CDH23: variants seen among roughly 807,000 people sequenced by gnomAD.
The protein encoded by CDH23 is cadherin-23.
A neutral mutation model predicts 317.1 loss-of-function variants in CDH23; 189 were observed. The observed-to-expected ratio is 0.60, with a 90% CI of 0.53 to 0.67. The LOEUF (loss-of-function observed/expected upper bound fraction) is 0.67, where lower values mean the gene tolerates loss of function less well. Ranked by LOEUF, CDH23 falls within the 30% of genes least tolerant of loss-of-function variation. CDH23 has a pLI of 0.00. For missense variants in CDH23, 4,401 were observed against 4,592.4 expected, an observed-to-expected ratio of 0.96 and a Z score of 1.20; for synonymous variants, 1,839 against 1,876.8, an observed-to-expected ratio of 0.98 and a Z score of 0.52.
In CDH23 at chr10:71,741,932, G is replaced by C; in HGVS notation, c.4845+11G>C. The stretch of plus-strand genomic sequence containing the variant: ...ACCCCAACCCTGTCGGTGAGCGATG[G>C]GGGTGGCCACAGGGAGGAGCGGGTG... On this transcript the variant is annotated intron_variant, in intron 38 of 69. Transcript: ENST00000224721. 3.8e-6 allele frequency: 6 copies of C among 1,569,698 alleles called. No homozygotes were observed. Among genetic ancestry groups the C allele is most frequent in the Non-Finnish European group, 5.2e-6 (6 of 1,156,076 alleles).
intron 3 of CDH23, among the ~76,000 whole-genome samples, chr10:71,484,968 G>A (rs1852264049): frequency 6.6e-6 from 1 of 151,908 alleles, no homozygotes; most frequent in Non-Finnish European, 1.5e-5. Context: ...AAATTGGCTG[G>A]CAGTGGTGTC....
In CDH23 at chr10:71,800,697, C is replaced by T. The variant is rs754673338; in HGVS notation, c.7424C>T (p.Ala2475Val). The T allele has an allele frequency of 6.2e-7, 1 of 1,613,962 alleles. No individual in the cohort carries two copies. The highest frequency in any genetic ancestry group is 1.3e-5 in the African/African-American group (1 of 75,012). Residue 2475 changes from alanine to valine, a missense_variant, in exon 53 of 70, where the codon GCC becomes GTC. Physicochemically the swap from Ala to Val is moderately conservative, Grantham distance 64. Coordinates refer to ENST00000224721, the MANE Select transcript of CDH23 (RefSeq NM_022124.6). Reference protein sequence around the residue: ...REKKDHYILTALAKDNPGDVA... With the variant: ...REKKDHYILTVLAKDNPGDVA... ...AAGAAGGACCACTATATCCTGACTGCCTTGGCCAAAGACAACCCTGGGGAT... is the reference window on the plus strand; with the variant it reads ...AAGAAGGACCACTATATCCTGACTGTCTTGGCCAAAGACAACCCTGGGGAT...
chr10:71,463,241 G>T (rs549187235), intron 3 of CDH23, among the ~76,000 whole-genome samples: 1 of 152,182 alleles, frequency 6.6e-6, no homozygotes, highest in African/African-American at 2.4e-5. Flanking sequence ...CAGGCTGCCC[G>T]GGAGCCCAAG....
chr10:71,652,376 A>G (rs906229814), intron 14 of CDH23, among the ~76,000 whole-genome samples: 4 of 152,210 alleles, frequency 2.6e-5, no homozygotes, highest in African/African-American at 9.7e-5. Flanking sequence ...TTTTCCTATG[A>G]AATGGGAAAG....
chr10:71,462,365 G>T (rs993910303), intron 3 of CDH23, among the ~76,000 whole-genome samples: 3 of 152,218 alleles, frequency 2.0e-5, no homozygotes, highest in African/African-American at 7.2e-5. Context: ...GCGCCCCACC[G>T]CCATCTGCTT....
Position 71,740,837 on chromosome 10 carries a change from C to T in CDH23, c.4504C>T (p.Arg1502Ter), listed in dbSNP as rs769742202. The change falls in exon 37 of 70, where the codon CGA becomes TGA. Residue 1502 changes from arginine (R) to a stop codon, truncating the protein, a stop_gained. Transcript: ENST00000224721. LOFTEE classifies it high-confidence loss of function. ...CTCCTTGCAGGTTGTGGCTTCTGAC[C>T]GAGGCACCCCTCCACGGAAGAAGGA... The part of the protein sequence containing the change: ...HYILQVVASD[R>*]GTPPRKKDHI... 1.6e-5 allele frequency: 26 copies of T among 1,613,614 alleles called. No individual in the cohort carries two copies. Among genetic ancestry groups the T allele is most frequent in the Middle Eastern group, 1.6e-4 (1 of 6,084 alleles).
intron 32 of CDH23, among the ~76,000 whole-genome samples, chr10:71,733,337 G>A (rs1839452984): frequency 6.6e-6 from 1 of 152,154 alleles, no homozygotes; most frequent in African/African-American, 2.4e-5. Context: ...TGTAGTTCAG[G>A]GATGTCTATG....
At chr10:71,515,409 C>A (rs925822642) in intron 6 of CDH23, among the ~76,000 whole-genome samples, 1 of 151,742 alleles carries the variant, frequency 6.6e-6, no homozygotes, top group African/African-American at 2.4e-5. Flanking sequence ...CACACACACA[C>A]ACACACACAC....
At chr10:71,553,740 A>G (rs938192265) in intron 6 of CDH23, among the ~76,000 whole-genome samples, 1 of 152,250 alleles carries the variant, frequency 6.6e-6, no homozygotes, top group African/African-American at 2.4e-5. Flanking sequence ...AACATGATTC[A>G]TCATCATGCA....
intron 9 of CDH23, among the ~76,000 whole-genome samples, chr10:71,596,246 G>A (rs182419369): frequency 5.6e-4 from 86 of 152,232 alleles, no homozygotes; most frequent in East Asian, 1.7e-3. Flanking sequence ...GCCCTCTCTC[G>A]AGGTTGCATC....
At chr10:71,635,667 T>G (rs1862234399) in intron 11 of CDH23, among the ~76,000 whole-genome samples, 4 of 138,676 alleles carry the variant, frequency 2.9e-5, no homozygotes, top group South Asian at 2.3e-4. Flanking sequence ...GAGGGAGAGA[T>G]TGGAAAGAGG....
At chr10:71,406,705 A>G (rs1848114351) in intron 1 of CDH23, among the ~76,000 whole-genome samples, 1 of 152,248 alleles carries the variant, frequency 6.6e-6, no homozygotes, top group Non-Finnish European at 1.5e-5. Flanking sequence ...TTAGCAACGA[A>G]TTTAATATTT....
intron 1 of CDH23, among the ~76,000 whole-genome samples, chr10:71,406,461 G>A (rs1450941152): frequency 6.6e-6 from 1 of 152,146 alleles, no homozygotes; most frequent in East Asian, 1.9e-4. Context: ...TATACCCTGG[G>A]CCAAGGGTGT....
intron 6 of CDH23, among the ~76,000 whole-genome samples, chr10:71,562,823 A>C (rs1857200231): frequency 6.6e-6 from 1 of 152,192 alleles, no homozygotes; most frequent in African/African-American, 2.4e-5. Flanking sequence ...GCTTCCTCTG[A>C]CTGCCTGTGG....
chr10:71,726,793 T>C (rs896400320), intron 30 of CDH23, among the ~76,000 whole-genome samples: 2 of 152,230 alleles, frequency 1.3e-5, no homozygotes, highest in Admixed American at 6.5e-5. Flanking sequence ...GACTTCAGGC[T>C]TCCTAACCAC....
At chr10:71,636,071 C>G (rs1767609266) in intron 11 of CDH23, among the ~76,000 whole-genome samples, 1 of 151,954 alleles carries the variant, frequency 6.6e-6, no homozygotes, top group African/African-American at 2.4e-5. Flanking sequence ...GAAGGGGACA[C>G]CAGCATTCTG....
At chr10:71,500,774 CT>C (rs1424644583) in intron 3 of CDH23, among the ~76,000 whole-genome samples, 2 of 130,040 alleles carry the variant, frequency 1.5e-5, no homozygotes, top group Non-Finnish European at 1.7e-5. Flanking sequence ...CTTTTCTTTT[CT>C]TTTCTTTTCT....
intron 14 of CDH23, among the ~76,000 whole-genome samples, chr10:71,673,865 C>T (rs553246836): frequency 7.5e-4 from 114 of 152,294 alleles, no homozygotes; most frequent in African/African-American, 2.6e-3. Context: ...GTGGGAGAGG[C>T]CCCGTCCAGG....
At chr10:71,646,117 C>A in intron 13 of CDH23, 137 bp downstream of exon 13, 2 of 1,187,828 alleles carry the variant, frequency 1.7e-6, no homozygotes, top group Non-Finnish European at 2.3e-6. Context: ...CTCAGATAAG[C>A]CCTCCAAGAG....
Sources: gnomAD v4.1 joint callset for allele counts (sites outside exome capture counted in the v4.1 genomes callset) on GRCh38, gnomAD v4.1.1 for gene constraint, MANE v1.5 for transcripts, NCBI Gene and HGNC (gene_info 2026-07-23, HGNC 2026-07-21) for gene names.